The following PIP5K1B variants were observed in gnomAD, a reference collection of about 807,000 sequenced individuals.
The protein encoded by PIP5K1B is phosphatidylinositol 4-phosphate 5-kinase type-1 beta.
PIP5K1B carries 42 observed loss-of-function variants against 67.0 expected under a neutral mutation model. That is an observed-to-expected ratio of 0.63 (90% CI 0.49 to 0.81). The LOEUF is 0.81. Ranked by LOEUF, PIP5K1B falls within the 30% of genes least tolerant of loss-of-function variation. The pLI, the probability that PIP5K1B is intolerant of heterozygous loss-of-function variation, is 0.00. For missense variants in PIP5K1B, 459 were observed against 646.3 expected (o/e 0.71, Z 3.14); for synonymous variants, 214 against 231.4 (o/e 0.92, Z 0.68).
intron 4 of PIP5K1B, among the ~76,000 whole-genome samples, chr9:68,823,613 A>G (rs1348157976): frequency 6.6e-6 from 1 of 152,202 alleles, no homozygotes; most frequent in African/African-American, 2.4e-5. Context: ...CTAATGTTCA[A>G]ACACGTTACT....
At chr9:68,828,577 G>A (rs1179057983) in intron 4 of PIP5K1B, among the ~76,000 whole-genome samples, 2 of 152,186 alleles carry the variant, frequency 1.3e-5, no homozygotes, top group African/African-American at 2.4e-5. Context: ...GTACCTGACC[G>A]TGACCACATT....
Position 68,786,823 on chromosome 9 carries a change from G to A in PIP5K1B, c.-85-31638G>A, listed in dbSNP as rs530365715. Among the ~76,000 whole-genome samples the A allele has an allele frequency of 2.6e-5, 4 of 152,252 alleles. No homozygotes were observed. The East Asian group carries it at 7.7e-4, about 29-fold the overall frequency. Reference sequence around the variant, plus strand: ...AGTAGAGTACAAAACAAAAGTCTATGAGGAAATGACCACTTACCAAGCAGC... The same window carrying A: ...AGTAGAGTACAAAACAAAAGTCTATAAGGAAATGACCACTTACCAAGCAGC... On this transcript the variant is annotated intron_variant, in intron 2 of 15. Coordinates refer to ENST00000265382, the MANE Select transcript of PIP5K1B (RefSeq NM_003558.4).
intron 2 of PIP5K1B, among the ~76,000 whole-genome samples, chr9:68,785,469 G>A (rs560340626): frequency 3.5e-4 from 54 of 152,152 alleles, no homozygotes; most frequent in Non-Finnish European, 6.8e-4. Flanking sequence ...AGAGTTCTTT[G>A]TGGCTTCTGT....
intron 15 of PIP5K1B, among the ~76,000 whole-genome samples, chr9:69,000,695 G>A (rs1830785203): frequency 6.6e-6 from 1 of 152,144 alleles, no homozygotes; most frequent in Non-Finnish European, 1.5e-5. Context: ...CCAACCTGTG[G>A]CCTCGTTTTA....
At chr9:68,768,760 G>A (rs1830549331) in intron 2 of PIP5K1B, among the ~76,000 whole-genome samples, 1 of 152,212 alleles carries the variant, frequency 6.6e-6, no homozygotes, top group Non-Finnish European at 1.5e-5. Flanking sequence ...GCTGTTGGGT[G>A]GAATTGAGCA....
At chr9:68,794,287 C>T (rs1258257797) in intron 2 of PIP5K1B, among the ~76,000 whole-genome samples, 2 of 152,172 alleles carry the variant, frequency 1.3e-5, no homozygotes, top group Non-Finnish European at 2.9e-5. Flanking sequence ...TCATCTTCCT[C>T]CCCTTTTATT....
intron 2 of PIP5K1B, among the ~76,000 whole-genome samples, chr9:68,748,351 G>A (rs996345063): frequency 1.3e-5 from 2 of 152,160 alleles, no homozygotes; most frequent in African/African-American, 4.8e-5. Context: ...TCTCACAAAT[G>A]TGGGATTTTA....
intron 2 of PIP5K1B, among the ~76,000 whole-genome samples, chr9:68,772,544 T>C (rs941037618): frequency 1.3e-5 from 2 of 152,194 alleles, no homozygotes; most frequent in Middle Eastern, 3.2e-3. Context: ...CAGGGAATAG[T>C]ATTCACTGAT....
intron 8 of PIP5K1B, among the ~76,000 whole-genome samples, chr9:68,901,615 G>T (rs1429590137): frequency 6.6e-6 from 1 of 152,214 alleles, no homozygotes; most frequent in Non-Finnish European, 1.5e-5. Flanking sequence ...TGAGATATTT[G>T]ATTTGCTCCA....
intron 8 of PIP5K1B, among the ~76,000 whole-genome samples, chr9:68,908,712 T>C (rs1418577556): frequency 2.0e-5 from 3 of 152,214 alleles, no homozygotes; most frequent in African/African-American, 7.2e-5. Context: ...TCTAGAACTG[T>C]ATTCTGAGGG....
chr9:68,779,588 G>A (rs534323338), intron 2 of PIP5K1B, among the ~76,000 whole-genome samples: 4 of 152,220 alleles, frequency 2.6e-5, no homozygotes, highest in Admixed American at 2.6e-4. Flanking sequence ...ACCACCTCAC[G>A]TCAGGCCAGC....
At chr9:68,779,387 T>A (rs1388284432) in intron 2 of PIP5K1B, among the ~76,000 whole-genome samples, 1 of 152,168 alleles carries the variant, frequency 6.6e-6, no homozygotes, top group African/African-American at 2.4e-5. Context: ...TCTCTCCATC[T>A]CCACTGCCAC....
At chr9:68,752,555 CTTCT>C (rs1829687698) in intron 2 of PIP5K1B, among the ~76,000 whole-genome samples, 3 of 150,216 alleles carry the variant, frequency 2.0e-5, no homozygotes, top group African/African-American at 2.5e-5. Flanking sequence ...CCTTCTCTTC[CTTCT>C]TTCTTTTCCT....
In PIP5K1B at chr9:68,872,916, A is replaced by G. The variant is rs141606347; in HGVS notation, c.201-3761A>G. ...TCTCCTGAAGGCCATCCAGGTTACCATAATGAGTAACCATGTTCACATATA... is the reference window on the plus strand; with the variant it reads ...TCTCCTGAAGGCCATCCAGGTTACCGTAATGAGTAACCATGTTCACATATA... On this transcript the variant is annotated intron_variant, in intron 5 of 15. Transcript: ENST00000265382. 1.6e-3 allele frequency among the ~76,000 whole-genome samples: 245 copies of G among 152,364 alleles called. 2 individuals carry two copies. Among genetic ancestry groups the G allele is most frequent in the African/African-American group, 5.5e-3 (227 of 41,596 alleles).
At chr9:68,794,060 A>G (rs1832150773) in intron 2 of PIP5K1B, among the ~76,000 whole-genome samples, 1 of 152,228 alleles carries the variant, frequency 6.6e-6, no homozygotes, top group Non-Finnish European at 1.5e-5. Flanking sequence ...TGATCTGACA[A>G]GTGAGATGAA....
intron 14 of PIP5K1B, among the ~76,000 whole-genome samples, chr9:68,989,817 G>A (rs555746417): frequency 1.3e-4 from 19 of 151,836 alleles, no homozygotes; most frequent in South Asian, 6.3e-4. Flanking sequence ...CCGTCTCTAC[G>A]AAAAATACAA....
chr9:68,961,379 T>G (rs10869607), intron 14 of PIP5K1B, among the ~76,000 whole-genome samples: 36,475 of 152,140 alleles, frequency 0.24, 5,285 homozygotes, highest in East Asian at 0.52. Flanking sequence ...TGGTGATAGT[T>G]GCACAACTCT....
At chr9:68,845,487 A>G (rs1822140881) in intron 4 of PIP5K1B, among the ~76,000 whole-genome samples, 1 of 152,138 alleles carries the variant, frequency 6.6e-6, no homozygotes, top group African/African-American at 2.4e-5. Context: ...TCCTTGCGGA[A>G]GGGCTGATCC....
At chr9:68,779,105 T>C (rs1302240604) in intron 2 of PIP5K1B, among the ~76,000 whole-genome samples, 1 of 151,746 alleles carries the variant, frequency 6.6e-6, no homozygotes, top group African/African-American at 2.4e-5. Context: ...TTCCTAGCAG[T>C]GTTTGGCACA....
Sources: allele counts gnomAD v4.1 joint callset (sites outside exome capture counted in the v4.1 genomes callset), GRCh38; gene constraint gnomAD v4.1.1; transcripts MANE v1.5; gene names NCBI Gene and HGNC (gene_info 2026-07-23, HGNC 2026-07-21).